PPP2R2B: variants seen among roughly 807,000 people sequenced by gnomAD.
The protein encoded by PPP2R2B is protein phosphatase 2 regulatory subunit Bbeta, also known as serine/threonine-protein phosphatase 2A 55 kDa regulatory subunit B beta isoform.
PPP2R2B carries 5 observed loss-of-function variants against 46.0 expected under a neutral mutation model. That is an observed-to-expected ratio of 0.11 (90% confidence interval 0.06 to 0.23). The LOEUF (loss-of-function observed/expected upper bound fraction) is 0.23, where lower values mean the gene tolerates loss of function less well. PPP2R2B is among the 10% of genes least tolerant of loss of function. PPP2R2B has a pLI of 1.00. For missense variants in PPP2R2B, 367 were observed against 575.0 expected, an observed-to-expected ratio of 0.64 and a Z score of 3.70; for synonymous variants, 215 against 206.7, an observed-to-expected ratio of 1.04 and a Z score of -0.34.
At chr5:146,895,555 T>C (rs1220417706) in intron 1 of PPP2R2B, among the ~76,000 whole-genome samples, 1 of 152,218 alleles carries the variant, frequency 6.6e-6, no homozygotes, top group African/African-American at 2.4e-5. Context: ...TTTTTGTTTG[T>C]TTCATCACCG....
At chr5:146,858,832 G>A (rs1284087379) in intron 2 of PPP2R2B, among the ~76,000 whole-genome samples, 1 of 152,170 alleles carries the variant, frequency 6.6e-6, no homozygotes, top group Admixed American at 6.5e-5. Context: ...GTCCAGGAAT[G>A]TGGTTCCAGA....
intron 1 of PPP2R2B, among the ~76,000 whole-genome samples, chr5:147,042,160 C>T (rs1756342958): frequency 6.6e-6 from 1 of 152,116 alleles, no homozygotes; most frequent in Non-Finnish European, 1.5e-5. Context: ...GTTTACTTTC[C>T]TGTAACCATT....
At chr5:146,670,476 A>ATTAC (rs370291939) in intron 5 of PPP2R2B, among the ~76,000 whole-genome samples, 4 of 144,184 alleles carry the variant, frequency 2.8e-5, no homozygotes, top group Non-Finnish European at 6.1e-5. Flanking sequence ...TATGTGTACT[A>ATTAC]TTATTTATTT....
chr5:146,955,813 C>T (rs1397914199), intron 1 of PPP2R2B, among the ~76,000 whole-genome samples: 4 of 130,444 alleles, frequency 3.1e-5, no homozygotes, highest in Non-Finnish European at 6.2e-5. Context: ...GAGTCTTGCT[C>T]TGTCACCCAG....
chr5:146,636,360 A>G (rs1411229481), intron 7 of PPP2R2B, among the ~76,000 whole-genome samples: 1 of 152,254 alleles, frequency 6.6e-6, no homozygotes, highest in Non-Finnish European at 1.5e-5. Flanking sequence ...GAGTGGGGGT[A>G]GAAACATAAT....
intron 1 of PPP2R2B, among the ~76,000 whole-genome samples, chr5:146,946,554 G>A (rs1764489164): frequency 6.6e-6 from 1 of 152,084 alleles, no homozygotes. Context: ...AACTGTAAGT[G>A]GTGAATATTT....
chr5:146,748,661 C>T (rs1297560785), intron 2 of PPP2R2B, among the ~76,000 whole-genome samples: 2 of 152,110 alleles, frequency 1.3e-5, no homozygotes, highest in African/African-American at 4.8e-5. Flanking sequence ...TTTTTTTTCC[C>T]TCAATATTTT....
At chr5:146,912,524 T>C (rs1306206011) in intron 1 of PPP2R2B, among the ~76,000 whole-genome samples, 5 of 126,190 alleles carry the variant, frequency 4.0e-5, no homozygotes, top group African/African-American at 1.6e-4. Flanking sequence ...TTTTTTTTTT[T>C]TGTTTTTGAG....
At chr5:146,668,373 C>T (rs917508454) in intron 5 of PPP2R2B, among the ~76,000 whole-genome samples, 2 of 152,130 alleles carry the variant, frequency 1.3e-5, no homozygotes, top group South Asian at 2.1e-4. Context: ...GTTATAATTG[C>T]CTTTCAATCT....
chr5:147,035,353 C>T (rs2151893823), intron 1 of PPP2R2B: 1 of 284,058 alleles, frequency 3.5e-6, no homozygotes, highest in South Asian at 2.8e-5. Flanking sequence ...GGAAGGCCTC[C>T]CCCATGATCC....
At chr5:146,733,052 A>G (rs1752324404) in intron 2 of PPP2R2B, among the ~76,000 whole-genome samples, 1 of 152,212 alleles carries the variant, frequency 6.6e-6, no homozygotes, top group Non-Finnish European at 1.5e-5. Context: ...TTGGCTCTAG[A>G]TACAGGATAT....
chr5:146,777,424 C>T (rs539986822), intron 2 of PPP2R2B, among the ~76,000 whole-genome samples: 1 of 152,086 alleles, frequency 6.6e-6, no homozygotes, highest in Admixed American at 6.6e-5. Context: ...TAGGCAAACT[C>T]ATAGAGATAG....
chr5:146,810,711 T>C (rs1358489879), intron 2 of PPP2R2B, among the ~76,000 whole-genome samples: 1 of 151,700 alleles, frequency 6.6e-6, no homozygotes, highest in African/African-American at 2.4e-5. Context: ...CTGTCTTTTT[T>C]TTTCTTTTTA....
intron 2 of PPP2R2B, among the ~76,000 whole-genome samples, chr5:146,755,554 G>A (rs2151243886): frequency 6.6e-6 from 1 of 152,150 alleles, no homozygotes; most frequent in Admixed American, 6.5e-5. Context: ...CCTTTCTTTG[G>A]ACAACACCAA....
intron 2 of PPP2R2B, among the ~76,000 whole-genome samples, chr5:146,809,437 A>G (rs1256641698): frequency 6.6e-6 from 1 of 152,160 alleles, no homozygotes; most frequent in Non-Finnish European, 1.5e-5. Context: ...TATTTAATCT[A>G]GTAAGCACCC....
rs1187209796 is a variant in PPP2R2B at position 146,913,761 on chromosome 5, T to C, written c.79+141904A>G. ...TGATTGCTGCCCAATCATTCAACTT[T>C]AAGGACTAAAAGCTAAACTCTTAAA... is the stretch of plus-strand genomic sequence containing the variant. On this transcript the variant is annotated intron_variant, in intron 1 of 8. Transcript: ENST00000336640. Among the ~76,000 whole-genome samples, 13 of 152,220 alleles carry C rather than the reference T, an allele frequency of 8.5e-5. No individual in the cohort carries two copies. In the East Asian group the frequency reaches 2.5e-3, roughly 29 times the overall value.
upstream of PPP2R2B, chr5:147,056,239 G>C: frequency 2.2e-6 from 1 of 460,354 alleles, no homozygotes; most frequent in Non-Finnish European, 2.9e-6. Flanking sequence ...CTGTTAAAAG[G>C]AGCCACCCGT....
chr5:146,848,904 T>C (rs149842595), intron 2 of PPP2R2B, among the ~76,000 whole-genome samples: 2 of 152,352 alleles, frequency 1.3e-5, no homozygotes, highest in Non-Finnish European at 2.9e-5. Flanking sequence ...TTTATGCATA[T>C]TGATTTTATA....
chr5:146,666,938 A>C (rs1283887592), intron 5 of PPP2R2B, among the ~76,000 whole-genome samples: 1 of 152,140 alleles, frequency 6.6e-6, no homozygotes, highest in East Asian at 1.9e-4. Context: ...GACTGTTTTG[A>C]ACTTGAATGT....
Sources: gnomAD v4.1 joint callset for allele counts (sites outside exome capture counted in the v4.1 genomes callset) on GRCh38, gnomAD v4.1.1 for gene constraint, MANE v1.5 for transcripts, NCBI Gene and HGNC (gene_info 2026-07-23, HGNC 2026-07-21) for gene names.